RBMS3: variants seen among roughly 807,000 people sequenced by gnomAD.
RBMS3 encodes RNA binding motif single stranded interacting protein 3, also known as RNA-binding motif, single-stranded-interacting protein 3.
A neutral mutation model predicts 66.8 loss-of-function variants in RBMS3; 27 were observed. The observed-to-expected ratio is 0.40, with a 90% confidence interval of 0.30 to 0.56. The LOEUF (loss-of-function observed/expected upper bound fraction) is 0.56, where lower values mean the gene tolerates loss of function less well. Ranked by LOEUF, RBMS3 falls within the 20% of genes least tolerant of loss-of-function variation. The pLI is 0.40. For synonymous variants in RBMS3, 188 were observed against 183.0 expected, an observed-to-expected ratio of 1.03 and a Z score of -0.22; for missense variants, 513 against 549.5, an observed-to-expected ratio of 0.93 and a Z score of 0.66.
chr3:29,400,447 A>G (rs2039756003), intron 1 of RBMS3, among the ~76,000 whole-genome samples: 1 of 152,050 alleles, frequency 6.6e-6, no homozygotes, highest in African/African-American at 2.4e-5. Context: ...GTATAATTTA[A>G]TGAGTAAAGA....
chr3:29,493,983 T>G (rs2043646418), intron 3 of RBMS3, among the ~76,000 whole-genome samples: 1 of 152,202 alleles, frequency 6.6e-6, no homozygotes, highest in Admixed American at 6.5e-5. Flanking sequence ...TTGAATCCTT[T>G]GCAACTTTAT....
chr3:29,762,342 ACTATACCAAT>A (rs2055726177), intron 5 of RBMS3, among the ~76,000 whole-genome samples: 1 of 147,478 alleles, frequency 6.8e-6, no homozygotes, highest in Non-Finnish European at 1.5e-5. Flanking sequence ...CGACTACATT[ACTATACCAAT>A]CAGTCCTTTA....
At position 29,403,107 on chromosome 3, in the gene RBMS3, T is replaced by C. The variant is rs527716969; in HGVS notation, c.76-31636T>C. On this transcript the variant is annotated intron_variant, in intron 1 of 14. Transcript: ENST00000383767. ...TTATAAATGAATCAGACAAGATCTG[T>C]TCTCAAGCCAAATAAAAGAGTAACA... Among the ~76,000 whole-genome samples the C allele has an allele frequency of 5.3e-5, 8 of 152,056 alleles. No homozygotes were observed. The South Asian group carries it at 1.5e-3, about 28-fold the overall frequency.
At chr3:29,997,507 C>T (rs1186949863) in intron 14 of RBMS3, among the ~76,000 whole-genome samples, 1 of 149,264 alleles carries the variant, frequency 6.7e-6, no homozygotes, top group Non-Finnish European at 1.5e-5. Flanking sequence ...AACATTGATG[C>T]AAAAATCCTC....
intron 1 of RBMS3, among the ~76,000 whole-genome samples, chr3:29,398,362 G>A (rs959641854): frequency 6.6e-6 from 1 of 152,090 alleles, no homozygotes; most frequent in Admixed American, 6.6e-5. Context: ...TTGTGTGAAG[G>A]AGCTTATGTA....
Position 29,853,423 on chromosome 3 carries a change from C to CTTTTTTTTTTTTTTT in RBMS3, c.638-15427_638-15413dup, listed in dbSNP as rs71091081. ...TGTATCTTAAGCTACAATTTACTTT[C>CTTTTTTTTTTTTTTT]TTTTTTTTTTTTTTTTTTTTTTGCA... On this transcript the variant is annotated intron_variant, in intron 6 of 14. Transcript: ENST00000383767. 2.5e-4 allele frequency among the ~76,000 whole-genome samples: 21 copies of CTTTTTTTTTTTTTTT among 84,522 alleles called. 2 individuals carry two copies. Among genetic ancestry groups the CTTTTTTTTTTTTTTT allele is most frequent in the African/African-American group, 8.7e-4 (16 of 18,404 alleles). The allele number at this position is 84,522 out of a possible 152,430, so 55.4% of individuals were successfully genotyped here.
chr3:29,490,113 T>G (rs1023790083), intron 3 of RBMS3, among the ~76,000 whole-genome samples: 12 of 149,968 alleles, frequency 8.0e-5, no homozygotes, highest in African/African-American at 3.0e-4. Context: ...TGTGTAGGTT[T>G]TTAAATGATA....
chr3:29,959,135 T>C (rs1696239004), intron 12 of RBMS3, among the ~76,000 whole-genome samples: 1 of 152,194 alleles, frequency 6.6e-6, no homozygotes, highest in South Asian at 2.1e-4. Context: ...AGCTCTTGCA[T>C]GGACTGTATG....
intron 12 of RBMS3, among the ~76,000 whole-genome samples, chr3:29,950,090 C>T (rs1695577455): frequency 6.6e-6 from 1 of 151,778 alleles, no homozygotes; most frequent in African/African-American, 2.4e-5. Flanking sequence ...CTGTGTGCTG[C>T]TTTGCCATCC....
intron 3 of RBMS3, among the ~76,000 whole-genome samples, chr3:29,561,039 C>T (rs1490100426): frequency 1.3e-5 from 2 of 152,152 alleles, no homozygotes; most frequent in Admixed American, 6.5e-5. Flanking sequence ...TGGCCTCCAG[C>T]GTCATCCATG....
At chr3:29,758,301 T>G (rs1186843699) in intron 5 of RBMS3, among the ~76,000 whole-genome samples, 1 of 152,212 alleles carries the variant, frequency 6.6e-6, no homozygotes, top group Non-Finnish European at 1.5e-5. Context: ...ATAGTCTCAA[T>G]TCAAAGTCAT....
Position 29,530,043 on chromosome 3 carries a change from C to T in RBMS3, c.307+41544C>T, listed in dbSNP as rs1327076394. The stretch of plus-strand genomic sequence containing the variant: ...TCATTCCAATATATTTCATTGTCCT[C>T]TTGAGATTTGCATTCCCTCTGCTAG... On this transcript the variant is annotated intron_variant, in intron 3 of 14. Transcript: ENST00000383767. Among the ~76,000 whole-genome samples, 6 of 152,198 alleles carry T rather than the reference C, an allele frequency of 3.9e-5. No homozygotes were observed. The East Asian group carries it at 1.2e-3, about 29-fold the overall frequency.
At chr3:29,846,192 A>C (rs551429157) in intron 6 of RBMS3, among the ~76,000 whole-genome samples, 1 of 152,312 alleles carries the variant, frequency 6.6e-6, no homozygotes, top group East Asian at 1.9e-4. Context: ...TGATCTTTAT[A>C]AAGAATGGTT....
intron 6 of RBMS3, among the ~76,000 whole-genome samples, chr3:29,765,416 G>A (rs6762107): frequency 2.0e-5 from 3 of 151,600 alleles, no homozygotes; most frequent in Non-Finnish European, 4.4e-5. Flanking sequence ...GCCAATTTCC[G>A]AATCTTTTTC....
At chr3:29,467,004 C>G (rs2042566183) in intron 2 of RBMS3, among the ~76,000 whole-genome samples, 1 of 152,148 alleles carries the variant, frequency 6.6e-6, no homozygotes, top group African/African-American at 2.4e-5. Flanking sequence ...TGCTAGATTA[C>G]TCTAAAATTG....
chr3:29,595,791 A>G (rs2047924554), intron 4 of RBMS3, among the ~76,000 whole-genome samples: 1 of 152,216 alleles, frequency 6.6e-6, no homozygotes, highest in Non-Finnish European at 1.5e-5. Context: ...GAATCTTTCA[A>G]TAGCGAATGT....
chr3:29,923,633 AC>A (rs1340946970), intron 10 of RBMS3, among the ~76,000 whole-genome samples: 9 of 152,330 alleles, frequency 5.9e-5, no homozygotes, highest in South Asian at 2.1e-4. Context: ...GAAAAAAAAA[AC>A]TGGTTCTGAA....
intron 5 of RBMS3, among the ~76,000 whole-genome samples, chr3:29,744,699 G>A (rs190396556): frequency 1.5e-4 from 22 of 151,234 alleles, no homozygotes; most frequent in Admixed American, 1.3e-3. Context: ...CATGAGAATC[G>A]CTTGAACCTG....
At chr3:29,789,865 A>G (rs1403549273) in intron 6 of RBMS3, among the ~76,000 whole-genome samples, 2 of 152,198 alleles carry the variant, frequency 1.3e-5, no homozygotes, top group Non-Finnish European at 2.9e-5. Flanking sequence ...ACCAAAGGAA[A>G]ACTATGACAT....
Sources: allele counts gnomAD v4.1 joint callset (sites outside exome capture counted in the v4.1 genomes callset), GRCh38; gene constraint gnomAD v4.1.1; transcripts MANE v1.5; gene names NCBI Gene and HGNC (gene_info 2026-07-23, HGNC 2026-07-21).